The following RNF8 variants were observed in gnomAD, a reference collection of about 807,000 sequenced individuals.
RNF8 encodes the protein E3 ubiquitin-protein ligase RNF8.
Under a neutral mutation model 59.3 loss-of-function variants are expected in RNF8, and 8 were observed. The observed-to-expected ratio is 0.13, with a 90% CI of 0.08 to 0.24. The LOEUF (loss-of-function observed/expected upper bound fraction) is 0.24. RNF8 is among the 10% of genes least tolerant of loss of function. RNF8 has a pLI of 1.00. For missense variants in RNF8, 406 were observed against 572.6 expected (o/e 0.71, Z 2.97); for synonymous variants, 162 against 200.0 (o/e 0.81, Z 1.60).
At position 37,392,987 on chromosome 6, in the gene RNF8, A is replaced by G. The variant is rs1770767250; in HGVS notation, c.*2229A>G. ...ACATCTTGACTTGAGCCTGAAGACT[A>G]TGTACAGAGACTGACCTCACAGACT... is the stretch of plus-strand genomic sequence containing the variant. On this transcript the variant is annotated 3_prime_UTR_variant, in exon 8 of 8. Coordinates refer to ENST00000373479, the MANE Select transcript of RNF8 (RefSeq NM_003958.4). 5.2e-6 allele frequency: 1 copy of G among 192,742 alleles called. No individual in the cohort carries two copies. The highest frequency in any genetic ancestry group is 1.0e-5 in the Non-Finnish European group (1 of 95,770). 11.9% of individuals were successfully genotyped at this position (192,742 alleles called of 1,614,324 possible). A position where few individuals can be genotyped will look rare whatever the true frequency, so the allele number is the denominator to read the frequency against.
chr6:37,393,433 T>C lies in RNF8; in HGVS notation c.*2675T>C, dbSNP rs1211761093. ...CTGATATTAAACATCATCTGCATTT[T>C]ACTTGCCTAGAAAATACACGGTAAC... On this transcript the variant is annotated 3_prime_UTR_variant, in exon 8 of 8. Coordinates refer to ENST00000373479, the MANE Select transcript of RNF8 (RefSeq NM_003958.4). 1 of 152,260 alleles carries C rather than the reference T, an allele frequency of 6.6e-6. No homozygotes were observed. Among genetic ancestry groups the C allele is most frequent in the South Asian group, 2.1e-4 (1 of 4,838 alleles). The allele number at this position is 152,260 out of a possible 1,614,324, so 9.4% of individuals were successfully genotyped here. A position where few individuals can be genotyped will look rare whatever the true frequency, so the allele number is the denominator to read the frequency against.
At position 37,360,092 on chromosome 6, in the gene RNF8, G is replaced by C. The variant is rs1769256595; in HGVS notation, c.112-354G>C. Reference sequence around the variant, plus strand: ...AGTCAGAGACATTTTAAAAATTGGAGGGCCTGCCTTATGTAAAGTTACTGA... The same window carrying C: ...AGTCAGAGACATTTTAAAAATTGGACGGCCTGCCTTATGTAAAGTTACTGA... On this transcript the variant is annotated intron_variant, in intron 1 of 7. Transcript: ENST00000373479. The surrounding 1 kb of genome is among the most constrained non-coding windows in gnomAD (Gnocchi z 4.2). 6.6e-6 allele frequency among the ~76,000 whole-genome samples: 1 copy of C among 152,194 alleles called. No homozygotes were observed. Among genetic ancestry groups the C allele is most frequent in the African/African-American group, 2.4e-5 (1 of 41,456 alleles).
At chr6:37,358,238 A>G (rs867395938) in intron 1 of RNF8, among the ~76,000 whole-genome samples, 10 of 152,344 alleles carry the variant, frequency 6.6e-5, no homozygotes, top group Middle Eastern at 6.8e-3. Flanking sequence ...TGTTGGCACT[A>G]TGGTATGAGT....
intron 2 of RNF8, among the ~76,000 whole-genome samples, chr6:37,365,131 C>T (rs1318373611): frequency 6.6e-6 from 1 of 152,142 alleles, no homozygotes; most frequent in Non-Finnish European, 1.5e-5. Flanking sequence ...AATGGATAAA[C>T]TGTGCTCCAC....
chr6:37,384,131 A>T lies in RNF8; in HGVS notation c.1441+2777A>T, dbSNP rs867008848. Among the ~76,000 whole-genome samples, 246 of 123,944 alleles carry T rather than the reference A, an allele frequency of 2.0e-3. 1 individual carries two copies. The highest frequency in any genetic ancestry group is 2.3e-3 in the South Asian group (9 of 3,914). The allele number at this position is 123,944 out of a possible 152,430, so 81.3% of individuals were successfully genotyped here. A position where few individuals can be genotyped will look rare whatever the true frequency, so the allele number is the denominator to read the frequency against. On this transcript the variant is annotated intron_variant, in intron 7 of 7. Transcript: ENST00000373479. ...TACATTCCTTAGCTCCCTTGCTACT[A>T]TTTTTTTTTTTTTTTTTTTGAGATG...
At chr6:37,367,208 C>T (rs1769593656) in intron 2 of RNF8, among the ~76,000 whole-genome samples, 1 of 152,124 alleles carries the variant, frequency 6.6e-6, no homozygotes. Context: ...CACACAGACA[C>T]CATGAGGGAG....
At chr6:37,383,574 AT>A (rs937832337) in intron 7 of RNF8, among the ~76,000 whole-genome samples, 1 of 152,148 alleles carries the variant, frequency 6.6e-6, no homozygotes, top group Non-Finnish European at 1.5e-5. Flanking sequence ...CTGTATTCTG[AT>A]TTCACCAAGA....
intron 1 of RNF8, 98 bp downstream of exon 1, chr6:37,354,373 A>C: frequency 1.1e-6 from 1 of 932,402 alleles, no homozygotes; most frequent in South Asian, 1.7e-5. Context: ...AATGAATGGC[A>C]GAGAGGAGGC....
At chr6:37,364,601 A>G (rs1769472697) in intron 2 of RNF8, among the ~76,000 whole-genome samples, 1 of 152,228 alleles carries the variant, frequency 6.6e-6, no homozygotes, top group Non-Finnish European at 1.5e-5. Context: ...GAACTCCTCA[A>G]CATTCAAGTG....
In RNF8 at chr6:37,373,920, A is replaced by G. The variant is rs570374698; in HGVS notation, c.1039-700A>G. 7.9e-5 allele frequency among the ~76,000 whole-genome samples: 12 copies of G among 152,366 alleles called. No homozygotes were observed. The East Asian group carries it at 2.3e-3, about 29-fold the overall frequency. ...AATTTGAGGTGAGATTCTAAAGTAT[A>G]AGCTATACTTAAGCATGAGAGAACT... On this transcript the variant is annotated intron_variant, in intron 4 of 7. Coordinates refer to ENST00000373479, the MANE Select transcript of RNF8 (RefSeq NM_003958.4).
chr6:37,378,561 A>G (rs2113828960), intron 6 of RNF8, among the ~76,000 whole-genome samples: 1 of 146,220 alleles, frequency 6.8e-6, no homozygotes, highest in East Asian at 2.0e-4. Flanking sequence ...ATATCGCACC[A>G]CTGCACTCCA....
chr6:37,362,247 A>G (rs1769353017), intron 2 of RNF8, among the ~76,000 whole-genome samples: 1 of 151,366 alleles, frequency 6.6e-6, no homozygotes, highest in Non-Finnish European at 1.5e-5. Flanking sequence ...TTATGGGATT[A>G]GCAGATTTTC....
chr6:37,362,117 C>T lies in RNF8; in HGVS notation c.240+1543C>T, dbSNP rs569359918. ...TCTGTAATAGCGTATATCAAAACAG[C>T]TTAGGAAAAGATGTTTTCCTCATCA... On this transcript the variant is annotated intron_variant, in intron 2 of 7. Coordinates refer to ENST00000373479, the MANE Select transcript of RNF8 (RefSeq NM_003958.4). Among the ~76,000 whole-genome samples the T allele has an allele frequency of 3.9e-4, 59 of 152,302 alleles. No individual in the cohort carries two copies. In the South Asian group the frequency reaches 0.011, roughly 29 times the overall value.
At chr6:37,366,625 G>C (rs1003168999) in intron 2 of RNF8, among the ~76,000 whole-genome samples, 1 of 152,222 alleles carries the variant, frequency 6.6e-6, no homozygotes, top group Non-Finnish European at 1.5e-5. Flanking sequence ...CCAAACCAGA[G>C]CTAAGATCTG....
At position 37,360,098 on chromosome 6, in the gene RNF8, G is replaced by T. The variant is rs1477578498; in HGVS notation, c.112-348G>T. ...AGACATTTTAAAAATTGGAGGGCCT[G>T]CCTTATGTAAAGTTACTGACAGTAT... On this transcript the variant is annotated intron_variant, in intron 1 of 7. Transcript: ENST00000373479. The surrounding 1 kb of genome is among the most constrained non-coding windows in gnomAD (Gnocchi z 4.2). 6.6e-6 allele frequency among the ~76,000 whole-genome samples: 1 copy of T among 152,228 alleles called. No homozygotes were observed. The highest frequency in any genetic ancestry group is 1.5e-5 in the Non-Finnish European group (1 of 68,046).
In RNF8 at chr6:37,369,050, C is replaced by T. The variant is rs145001585; in HGVS notation, c.807C>T (p.Ala269=). ...LKIQMQEKHE[A]VMNVKKQTQK... The stretch of plus-strand genomic sequence containing the variant: ...TACAGATGCAGGAAAAACATGAAGC[C>T]GTTATGAATGTGAAAAAGCAGACCC... The change falls in exon 3 of 8, where the codon GCC becomes GCT. Residue 269 remains alanine (A), a synonymous_variant. Transcript: ENST00000373479. 231 of 1,614,146 alleles carry T rather than the reference C, an allele frequency of 1.4e-4. No individual in the cohort carries two copies. The African/African-American group carries it at 2.8e-3, about 19-fold the overall frequency.
In RNF8 at chr6:37,374,632, A is replaced by T. The variant is rs745782142; in HGVS notation, c.1051A>T (p.Met351Leu). Residue 351 changes from methionine to leucine, a missense_variant, in exon 5 of 8, where the codon ATG (methionine) becomes TTG (leucine). Transcript: ENST00000373479. ...AQALQEHWAL[M>L]EELNRSKKDF... ...TATGTTTTTGCAGCATTGGGCTCTA[A>T]TGGAAGAGCTAAATCGCAGCAAGAA... 1 of 1,613,878 alleles carries T rather than the reference A, an allele frequency of 6.2e-7. No homozygotes were observed.
intron 7 of RNF8, among the ~76,000 whole-genome samples, chr6:37,385,276 G>T (rs570788606): frequency 6.6e-6 from 1 of 151,622 alleles, no homozygotes; most frequent in Non-Finnish European, 1.5e-5. Flanking sequence ...GCCTCCCAAA[G>T]TGCTGGGATT....
At chr6:37,381,396 A>T (rs770475421) in intron 7 of RNF8, 42 bp downstream of exon 7, 3 of 1,540,754 alleles carry the variant, frequency 1.9e-6, no homozygotes, top group Non-Finnish European at 2.7e-6. Flanking sequence ...GAAAGGACTT[A>T]TTTACTTCCA....
Sources: allele counts gnomAD v4.1 joint callset (sites outside exome capture counted in the v4.1 genomes callset), GRCh38; gene constraint gnomAD v4.1.1; non-coding constraint Gnocchi (gnomAD v3.1); transcripts MANE v1.5; gene names NCBI Gene and HGNC (gene_info 2026-07-23, HGNC 2026-07-21).